The following PTPRD variants were observed in gnomAD, a reference collection of about 807,000 sequenced individuals.
PTPRD encodes the protein receptor-type tyrosine-protein phosphatase delta.
A neutral mutation model predicts 214.5 loss-of-function variants in PTPRD; 34 were observed. That is an observed-to-expected ratio of 0.16 (90% CI 0.12 to 0.21). The LOEUF is 0.21. Ranked by LOEUF, PTPRD falls within the 10% of genes least tolerant of loss-of-function variation. The pLI is 1.00. For missense variants in PTPRD, 2,545 were observed against 2,398.7 expected (o/e 1.06, Z -1.27); for synonymous variants, 1,128 against 845.7 (o/e 1.33, Z -5.79).
chr9:8,734,871 T>C (rs987674193), intron 11 of PTPRD, among the ~76,000 whole-genome samples: 5 of 152,172 alleles, frequency 3.3e-5, no homozygotes, highest in Non-Finnish European at 7.4e-5. Flanking sequence ...AAATAGTGTC[T>C]CAAACTAGGC....
intron 14 of PTPRD, among the ~76,000 whole-genome samples, chr9:8,602,749 C>T (rs1008074766): frequency 2.0e-5 from 3 of 152,140 alleles, no homozygotes; most frequent in African/African-American, 7.2e-5. Flanking sequence ...GAGAAACATG[C>T]AGTTACATAA....
At chr9:8,445,338 G>T (rs1323868522) in intron 34 of PTPRD, among the ~76,000 whole-genome samples, 2 of 152,070 alleles carry the variant, frequency 1.3e-5, no homozygotes, top group African/African-American at 4.8e-5. Flanking sequence ...GCTATACACT[G>T]CCATCTGAAC....
At chr9:9,823,881 A>G (rs1171310573) in intron 5 of PTPRD, among the ~76,000 whole-genome samples, 1 of 152,070 alleles carries the variant, frequency 6.6e-6, no homozygotes, top group Admixed American at 6.6e-5. Context: ...AATGTTCCCA[A>G]CACAAAGAAA....
intron 2 of PTPRD, among the ~76,000 whole-genome samples, chr9:10,398,776 T>C (rs2098220360): frequency 6.6e-6 from 1 of 151,954 alleles, no homozygotes; most frequent in Non-Finnish European, 1.5e-5. Context: ...TGGAAGACCT[T>C]TTCAAAGTGC....
chr9:9,629,419 T>C (rs938070776), intron 7 of PTPRD, among the ~76,000 whole-genome samples: 2 of 152,082 alleles, frequency 1.3e-5, no homozygotes, highest in Non-Finnish European at 2.9e-5. Flanking sequence ...AGCAAGTGTG[T>C]CTTCTTCCAT....
At chr9:9,016,668 T>G (rs1032198484) in intron 11 of PTPRD, among the ~76,000 whole-genome samples, 18 of 152,088 alleles carry the variant, frequency 1.2e-4, no homozygotes, top group Non-Finnish European at 1.8e-4. Flanking sequence ...CCTAAATGAC[T>G]TAAAAAATGA....
At chr9:8,548,759 A>T (rs1477988190) in intron 14 of PTPRD, among the ~76,000 whole-genome samples, 2 of 128,452 alleles carry the variant, frequency 1.6e-5, no homozygotes, top group Non-Finnish European at 3.1e-5. Context: ...CAATGGTGCA[A>T]TCTCGGCTCA....
chr9:10,339,866 A>G (rs1169244172), intron 3 of PTPRD, among the ~76,000 whole-genome samples: 2 of 151,834 alleles, frequency 1.3e-5, no homozygotes, highest in South Asian at 4.1e-4. Flanking sequence ...AAGTAAAAAT[A>G]TAATTTTGAA....
At chr9:8,489,297 A>C (rs2097101019) in intron 27 of PTPRD, among the ~76,000 whole-genome samples, 1 of 152,172 alleles carries the variant, frequency 6.6e-6, no homozygotes. Context: ...CTGGGACAGA[A>C]AGGCTTGTTG....
intron 8 of PTPRD, among the ~76,000 whole-genome samples, chr9:9,428,620 G>A (rs373283951): frequency 2.6e-5 from 4 of 152,042 alleles, no homozygotes; most frequent in African/African-American, 7.2e-5. Context: ...GCACCATGTC[G>A]CACTTATTCC....
At chr9:8,954,918 C>T (rs2099123243) in intron 11 of PTPRD, among the ~76,000 whole-genome samples, 2 of 151,906 alleles carry the variant, frequency 1.3e-5, no homozygotes, top group African/African-American at 4.8e-5. Context: ...GTTATCACTA[C>T]AGATGCAAAA....
intron 2 of PTPRD, among the ~76,000 whole-genome samples, chr9:10,381,400 C>G (rs550551888): frequency 7.2e-5 from 11 of 152,098 alleles, no homozygotes; most frequent in South Asian, 2.1e-4. Flanking sequence ...TTGCAGAAGC[C>G]TTCAGCGGAG....
intron 3 of PTPRD, among the ~76,000 whole-genome samples, chr9:10,146,618 C>T (rs1304620666): frequency 6.6e-6 from 1 of 152,108 alleles, no homozygotes; most frequent in Non-Finnish European, 1.5e-5. Flanking sequence ...GAAATTTTTT[C>T]TAAAGCCCTT....
At chr9:9,111,836 C>A (rs1248838746) in intron 10 of PTPRD, among the ~76,000 whole-genome samples, 2 of 152,072 alleles carry the variant, frequency 1.3e-5, no homozygotes, top group Non-Finnish European at 2.9e-5. Context: ...GAATTTACTT[C>A]CTTTACTTTT....
At chr9:8,706,325 C>T (rs756262713) in intron 12 of PTPRD, among the ~76,000 whole-genome samples, 5 of 152,110 alleles carry the variant, frequency 3.3e-5, no homozygotes, top group Admixed American at 6.5e-5. Flanking sequence ...TTTACCTTTC[C>T]TTTATTTAGT....
At chr9:8,591,385 A>C (rs542649883) in intron 14 of PTPRD, among the ~76,000 whole-genome samples, 2 of 152,288 alleles carry the variant, frequency 1.3e-5, no homozygotes, top group South Asian at 2.1e-4. Context: ...AAAACTTCAA[A>C]GGAAGACACA....
intron 12 of PTPRD, among the ~76,000 whole-genome samples, chr9:8,687,751 T>C (rs1017928740): frequency 6.6e-6 from 1 of 152,200 alleles, no homozygotes; most frequent in Non-Finnish European, 1.5e-5. Context: ...GTTTTTTTTT[T>C]TTTCTCAACT....
chr9:10,554,523 C>T (rs1266517481), intron 2 of PTPRD, among the ~76,000 whole-genome samples: 1 of 152,060 alleles, frequency 6.6e-6, no homozygotes, highest in Non-Finnish European at 1.5e-5. Context: ...TTTTCTTTAA[C>T]CCTCTAGTTT....
In PTPRD at chr9:10,067,669, C is replaced by T. The variant is rs547146001; in HGVS notation, c.-544-33879G>A. Among the ~76,000 whole-genome samples, 4 of 151,872 alleles carry T rather than the reference C, an allele frequency of 2.6e-5. No homozygotes were observed. The South Asian group carries it at 6.2e-4, about 24-fold the overall frequency. Reference sequence around the variant, plus strand: ...AGGCAAAGAAGGGTAGGTAATTTGGCCAAGGTCACCCCATTATAATGGTAA... The same window carrying T: ...AGGCAAAGAAGGGTAGGTAATTTGGTCAAGGTCACCCCATTATAATGGTAA... On this transcript the variant is annotated intron_variant, in intron 3 of 45. Transcript: ENST00000381196.
Sources: gnomAD v4.1 joint callset for allele counts (sites outside exome capture counted in the v4.1 genomes callset) on GRCh38, gnomAD v4.1.1 for gene constraint, MANE v1.5 for transcripts, NCBI Gene and HGNC (gene_info 2026-07-23, HGNC 2026-07-21) for gene names.